The following GUCY1A2 variants were observed in gnomAD, a reference collection of about 807,000 sequenced individuals.
The protein encoded by GUCY1A2 is guanylate cyclase 1 soluble subunit alpha 2.
GUCY1A2 carries 27 observed loss-of-function variants against 63.5 expected under a neutral mutation model. That is an observed-to-expected ratio of 0.43 (90% confidence interval 0.31 to 0.59). The LOEUF is 0.59. Among genes scored for constraint, GUCY1A2 ranks in the 20% least tolerant of loss-of-function variants. GUCY1A2 has a pLI of 0.11. For missense variants in GUCY1A2, 768 were observed against 913.3 expected (o/e 0.84, Z 2.05); for synonymous variants, 364 against 343.5 (o/e 1.06, Z -0.66).
At chr11:106,818,929 G>C (rs937277750) in intron 4 of GUCY1A2, among the ~76,000 whole-genome samples, 1 of 152,134 alleles carries the variant, frequency 6.6e-6, no homozygotes, top group Non-Finnish European at 1.5e-5. Context: ...TGAGGAAGCT[G>C]CAGAAGAAAG....
intron 4 of GUCY1A2, among the ~76,000 whole-genome samples, chr11:106,851,642 T>A (rs1429682900): frequency 6.6e-6 from 1 of 151,952 alleles, no homozygotes; most frequent in Non-Finnish European, 1.5e-5. Context: ...GATACTTTAT[T>A]GAAAGTCAGT....
chr11:106,857,715 CATAG>C (rs983076219), intron 4 of GUCY1A2, among the ~76,000 whole-genome samples: 3 of 152,192 alleles, frequency 2.0e-5, no homozygotes, highest in East Asian at 1.9e-4. Context: ...CTGTACTGAA[CATAG>C]ATAGACTTTT....
chr11:106,855,403 C>T (rs979082806), intron 4 of GUCY1A2, among the ~76,000 whole-genome samples: 3 of 152,138 alleles, frequency 2.0e-5, no homozygotes, highest in African/African-American at 2.4e-5. Flanking sequence ...GGGTCCCTGT[C>T]ACTTCCTTGC....
chr11:106,831,573 A>G (rs976343233), intron 4 of GUCY1A2, among the ~76,000 whole-genome samples: 2 of 152,194 alleles, frequency 1.3e-5, no homozygotes, highest in African/African-American at 4.8e-5. Context: ...AGTTATGACC[A>G]TTGGAATGTG....
chr11:106,870,128 A>G (rs1859656454), intron 4 of GUCY1A2, among the ~76,000 whole-genome samples: 3 of 119,324 alleles, frequency 2.5e-5, no homozygotes, highest in Non-Finnish European at 3.5e-5. Flanking sequence ...GGGGGGAGGG[A>G]TAGCATTAGG....
At chr11:106,941,100 A>C (rs1302938438) in intron 3 of GUCY1A2, among the ~76,000 whole-genome samples, 1 of 152,162 alleles carries the variant, frequency 6.6e-6, no homozygotes, top group Admixed American at 6.6e-5. Context: ...AGAAAATAAT[A>C]ATGACAGAAC....
intron 4 of GUCY1A2, among the ~76,000 whole-genome samples, chr11:106,821,744 A>T (rs1858906253): frequency 6.6e-6 from 1 of 152,214 alleles, no homozygotes; most frequent in Admixed American, 6.5e-5. Context: ...CTTATTGGCC[A>T]TTCTGACCCA....
At chr11:106,880,650 T>C (rs1041867865) in intron 4 of GUCY1A2, among the ~76,000 whole-genome samples, 1 of 152,120 alleles carries the variant, frequency 6.6e-6, no homozygotes, top group African/African-American at 2.4e-5. Flanking sequence ...TTGTTTAGCA[T>C]AGAAGAGGTT....
intron 3 of GUCY1A2, among the ~76,000 whole-genome samples, chr11:106,964,038 C>T (rs1384310795): frequency 1.3e-5 from 2 of 151,908 alleles, no homozygotes; most frequent in Non-Finnish European, 2.9e-5. Flanking sequence ...TTTTGCTACA[C>T]ACACACATAC....
intron 7 of GUCY1A2, among the ~76,000 whole-genome samples, chr11:106,690,238 C>T (rs973172413): frequency 3.3e-5 from 5 of 152,090 alleles, no homozygotes; most frequent in Non-Finnish European, 5.9e-5. Flanking sequence ...AATTGCAGCA[C>T]TATTCACAAT....
chr11:106,750,793 CCT>C (rs1491153531), intron 6 of GUCY1A2, among the ~76,000 whole-genome samples: 1 of 150,026 alleles, frequency 6.7e-6, no homozygotes, highest in East Asian at 1.9e-4. Context: ...CATGCGATTT[CCT>C]TTTTTTTTTC....
intron 6 of GUCY1A2, among the ~76,000 whole-genome samples, chr11:106,761,872 AAC>A (rs1438433373): frequency 6.6e-6 from 1 of 152,174 alleles, no homozygotes; most frequent in Non-Finnish European, 1.5e-5. Flanking sequence ...AGAGAAAAAT[AAC>A]ACAGAACAAT....
chr11:106,826,640 C>G, intron 4 of GUCY1A2: 2 of 1,607,092 alleles, frequency 1.2e-6, no homozygotes, highest in Non-Finnish European at 1.7e-6. Flanking sequence ...AGCAGTACAA[C>G]CTTATAGTTA....
intron 6 of GUCY1A2, among the ~76,000 whole-genome samples, chr11:106,756,652 T>C (rs1863979119): frequency 6.6e-6 from 1 of 152,224 alleles, no homozygotes; most frequent in Non-Finnish European, 1.5e-5. Context: ...AATTCTTTTC[T>C]TTAAGAATGT....
chr11:106,871,758 C>A (rs775959078), intron 4 of GUCY1A2, among the ~76,000 whole-genome samples: 33 of 152,072 alleles, frequency 2.2e-4, no homozygotes, highest in Non-Finnish European at 4.6e-4. Context: ...AACACGATTT[C>A]TATTTGCTTT....
At chr11:106,702,741 G>A (rs1862838487) in intron 7 of GUCY1A2, among the ~76,000 whole-genome samples, 1 of 151,306 alleles carries the variant, frequency 6.6e-6, no homozygotes, top group Admixed American at 6.6e-5. Context: ...GTATGCAGAA[G>A]TAAGATTGGG....
At chr11:106,759,636 T>C (rs1319585339) in intron 6 of GUCY1A2, among the ~76,000 whole-genome samples, 1 of 152,182 alleles carries the variant, frequency 6.6e-6, no homozygotes, top group African/African-American at 2.4e-5. Flanking sequence ...CTAGTATCCT[T>C]ATAAAAAGGA....
At chr11:107,011,240 A>G (rs1861739776) in intron 1 of GUCY1A2, among the ~76,000 whole-genome samples, 1 of 152,142 alleles carries the variant, frequency 6.6e-6, no homozygotes. Flanking sequence ...AAAGAAAATT[A>G]TACCTTCCTA....
At chr11:106,834,755 A>C (rs1013768019) in intron 4 of GUCY1A2, among the ~76,000 whole-genome samples, 1 of 152,072 alleles carries the variant, frequency 6.6e-6, no homozygotes, top group African/African-American at 2.4e-5. Flanking sequence ...ATGAGCTGAA[A>C]GCGCATACTT....
Sources: allele counts gnomAD v4.1 joint callset (sites outside exome capture counted in the v4.1 genomes callset), GRCh38; gene constraint gnomAD v4.1.1; transcripts MANE v1.5; gene names NCBI Gene and HGNC (gene_info 2026-07-23, HGNC 2026-07-21).